The following DLG2 variants were observed in gnomAD, a reference collection of about 807,000 sequenced individuals.
DLG2 encodes the protein discs large MAGUK scaffold protein 2.
DLG2 carries 45 observed loss-of-function variants against 132.5 expected under a neutral mutation model. The ratio of observed to expected loss-of-function variants is 0.34; its 90% CI spans 0.27 to 0.44. The LOEUF (loss-of-function observed/expected upper bound fraction) is 0.44, where lower values mean the gene tolerates loss of function less well. Among genes scored for constraint, DLG2 ranks in the 20% least tolerant of loss-of-function variants. The probability of loss-of-function intolerance (pLI) is 1.00; values close to 1 mark genes in which losing one functional copy is unlikely to be tolerated. For synonymous variants in DLG2, 424 were observed against 419.6 expected, an observed-to-expected ratio of 1.01 and a Z score of -0.13; for missense variants, 1,045 against 1,196.9, an observed-to-expected ratio of 0.87 and a Z score of 1.87.
intron 7 of DLG2, among the ~76,000 whole-genome samples, chr11:84,361,216 C>A (rs1476245280): frequency 1.3e-5 from 2 of 151,834 alleles, no homozygotes; most frequent in Non-Finnish European, 2.9e-5. Flanking sequence ...CATTTGATAA[C>A]TATAAATTCA....
chr11:84,021,091 C>T (rs1227731633), intron 11 of DLG2, among the ~76,000 whole-genome samples: 4 of 152,148 alleles, frequency 2.6e-5, no homozygotes, highest in Non-Finnish European at 4.4e-5. Flanking sequence ...CTCTAGAACA[C>T]ATATAATAAG....
Position 84,635,773 on chromosome 11 carries a change from G to A in DLG2, c.358-101042C>T, listed in dbSNP as rs887775244. On this transcript the variant is annotated intron_variant, in intron 6 of 27. Transcript: ENST00000376104. The stretch of plus-strand genomic sequence containing the variant: ...GGAAAGTAAAGCTGAGAGAAGTTAA[G>A]AAACCTCCTCCCACCAAGATCACAT... Among the ~76,000 whole-genome samples the A allele has an allele frequency of 2.6e-5, 4 of 152,002 alleles. No homozygotes were observed. In the East Asian group the frequency reaches 7.7e-4, roughly 29 times the overall value.
intron 4 of DLG2, among the ~76,000 whole-genome samples, chr11:85,229,382 T>A (rs1244124869): frequency 6.6e-6 from 1 of 151,948 alleles, no homozygotes; most frequent in East Asian, 1.9e-4. Flanking sequence ...AACAAACATA[T>A]GAAAAAAAGC....
chr11:83,717,915 A>T (rs932726716), intron 18 of DLG2, among the ~76,000 whole-genome samples: 1 of 152,220 alleles, frequency 6.6e-6, no homozygotes, highest in African/African-American at 2.4e-5. Context: ...TTCTGTGTCC[A>T]AATGACTTAC....
intron 6 of DLG2, among the ~76,000 whole-genome samples, chr11:84,841,737 A>G (rs1356363132): frequency 6.6e-6 from 1 of 151,982 alleles, no homozygotes; most frequent in Non-Finnish European, 1.5e-5. Flanking sequence ...CAGTATAATC[A>G]AAGTGCATAT....
intron 6 of DLG2, among the ~76,000 whole-genome samples, chr11:84,953,591 T>TA (rs61062696): frequency 0.014 from 2,148 of 152,230 alleles, 50 homozygotes; most frequent in African/African-American, 0.048. Flanking sequence ...ATCAATAAAA[T>TA]AAAAATACTT....
At chr11:84,805,287 A>G (rs1290037276) in intron 6 of DLG2, among the ~76,000 whole-genome samples, 2 of 152,164 alleles carry the variant, frequency 1.3e-5, no homozygotes, top group Non-Finnish European at 2.9e-5. Flanking sequence ...TTTGACAGTG[A>G]TAAGGCAGTA....
At chr11:85,081,790 G>T (rs1566809949) in intron 6 of DLG2, among the ~76,000 whole-genome samples, 1 of 152,108 alleles carries the variant, frequency 6.6e-6, no homozygotes, top group Non-Finnish European at 1.5e-5. Flanking sequence ...AAGCAGCTAG[G>T]GCCTGCTGTG....
intron 10 of DLG2, among the ~76,000 whole-genome samples, chr11:84,096,943 G>A (rs2097173398): frequency 6.6e-6 from 1 of 151,692 alleles, no homozygotes; most frequent in Admixed American, 6.6e-5. Context: ...CTGTAAACAT[G>A]CAGCTGTCAA....
chr11:84,023,963 G>A (rs769061544), intron 11 of DLG2, among the ~76,000 whole-genome samples: 5 of 151,658 alleles, frequency 3.3e-5, no homozygotes, highest in African/African-American at 9.7e-5. Flanking sequence ...TAAGAATATC[G>A]TATATAATAC....
chr11:84,540,038 A>G (rs1448006660), intron 6 of DLG2, among the ~76,000 whole-genome samples: 30 of 152,190 alleles, frequency 2.0e-4, no homozygotes, highest in Admixed American at 2.0e-3. Flanking sequence ...ACCAAAATTA[A>G]TTCAAGATGG....
chr11:85,589,257 G>A lies in DLG2; in HGVS notation c.40+9400C>T, dbSNP rs143927305. ...TTGTTTTCCTCTTCCTTGGAGCAGC[G>A]TTATTCTGTCATTGAGTTGCTGCAA... is the stretch of plus-strand genomic sequence containing the variant. On this transcript the variant is annotated intron_variant, in intron 3 of 27. Coordinates refer to ENST00000376104, the MANE Select transcript of DLG2 (RefSeq NM_001142699.3). Among the ~76,000 whole-genome samples, 650 of 152,284 alleles carry A rather than the reference G, an allele frequency of 4.3e-3. 5 individuals carry two copies. Among genetic ancestry groups the A allele is most frequent in the African/African-American group, 0.015 (618 of 41,560 alleles).
At chr11:85,075,242 G>T (rs894973990) in intron 6 of DLG2, among the ~76,000 whole-genome samples, 1 of 151,830 alleles carries the variant, frequency 6.6e-6, no homozygotes, top group Admixed American at 6.6e-5. Flanking sequence ...CCACTTTGCA[G>T]GTTATCTTTG....
chr11:85,622,196 A>G (rs1261342305), intron 2 of DLG2, among the ~76,000 whole-genome samples: 1 of 152,226 alleles, frequency 6.6e-6, no homozygotes, highest in Non-Finnish European at 1.5e-5. Context: ...ACATAATACG[A>G]TCGCAAACCT....
At chr11:84,663,349 C>G (rs1215828000) in intron 6 of DLG2, among the ~76,000 whole-genome samples, 5 of 151,742 alleles carry the variant, frequency 3.3e-5, no homozygotes, top group Non-Finnish European at 5.9e-5. Context: ...CTTCCCTGAC[C>G]CAAGGCTGGA....
At chr11:84,506,107 G>A (rs1250437073) in intron 7 of DLG2, among the ~76,000 whole-genome samples, 1 of 75,972 alleles carries the variant, frequency 1.3e-5, no homozygotes, top group Non-Finnish European at 2.4e-5. Context: ...ACGGAGTCTA[G>A]CTCTGTCGCC....
At position 83,633,579 on chromosome 11, in the gene DLG2, A is replaced by G. The variant is rs150441077; in HGVS notation, c.1826-254T>C. 2.9e-4 allele frequency among the ~76,000 whole-genome samples: 44 copies of G among 152,134 alleles called. No homozygotes were observed. The East Asian group carries it at 8.3e-3, about 29-fold the overall frequency. On this transcript the variant is annotated intron_variant, in intron 18 of 27. Coordinates refer to ENST00000376104, the MANE Select transcript of DLG2 (RefSeq NM_001142699.3). ...CAAATTCCCAACTTGTAAAAAGTCC[A>G]TGGGGGCTGGGAGAGGGAGGATGGG...
chr11:84,946,322 G>T (rs1235718275), intron 6 of DLG2, among the ~76,000 whole-genome samples: 1 of 151,984 alleles, frequency 6.6e-6, no homozygotes, highest in African/African-American at 2.4e-5. Flanking sequence ...GATGCTCTGG[G>T]TCACACCTGA....
chr11:84,738,466 C>T (rs2064157755), intron 6 of DLG2, among the ~76,000 whole-genome samples: 1 of 152,090 alleles, frequency 6.6e-6, no homozygotes, highest in African/African-American at 2.4e-5. Flanking sequence ...TTGCTACCTT[C>T]TTGATTTCAA....
Sources: gnomAD v4.1 joint callset for allele counts (sites outside exome capture counted in the v4.1 genomes callset) on GRCh38, gnomAD v4.1.1 for gene constraint, MANE v1.5 for transcripts, NCBI Gene and HGNC (gene_info 2026-07-23, HGNC 2026-07-21) for gene names.